The following PPP1R16A variants were observed in gnomAD, a reference collection of about 807,000 sequenced individuals.
The protein encoded by PPP1R16A is myosin phosphatase-targeting subunit 3.
Under a neutral mutation model 46.6 loss-of-function variants are expected in PPP1R16A, and 39 were observed. That is an observed-to-expected ratio of 0.84 (90% CI 0.65 to 1.09). The LOEUF (loss-of-function observed/expected upper bound fraction) is 1.09. Among genes scored for constraint, PPP1R16A ranks in the 50% least tolerant of loss-of-function variants. The probability of loss-of-function intolerance (pLI) is 0.00; values close to 1 mark genes in which losing one functional copy is unlikely to be tolerated. For synonymous variants in PPP1R16A, 413 were observed against 321.5 expected (o/e 1.28, Z -3.04); for missense variants, 798 against 735.6 (o/e 1.08, Z -0.98).
At chr8:144,486,802 C>G (rs1287705952) in intron 1 of PPP1R16A, among the ~76,000 whole-genome samples, 2 of 152,052 alleles carry the variant, frequency 1.3e-5, no homozygotes, top group African/African-American at 4.8e-5. Flanking sequence ...CAGTAGCTGT[C>G]TTTTCATCCT....
chr8:144,501,015 C>A, intron 10 of PPP1R16A, 44 bp downstream of exon 10: 1 of 1,462,308 alleles, frequency 6.8e-7, no homozygotes, highest in Non-Finnish European at 9.0e-7. Context: ...CTTGGCCCCG[C>A]GGACGTCAGC....
intron 1 of PPP1R16A, among the ~76,000 whole-genome samples, chr8:144,484,642 A>G (rs770233138): frequency 1.2e-4 from 19 of 152,208 alleles, no homozygotes; most frequent in Non-Finnish European, 2.5e-4. Flanking sequence ...GGGGAAAGGA[A>G]ATTGAAGAGG....
chr8:144,497,161 C>T lies in PPP1R16A; in HGVS notation c.-34C>T. On this transcript the variant is annotated 5_prime_UTR_variant, in exon 3 of 12. Coordinates refer to ENST00000435887, the MANE Select transcript of PPP1R16A (RefSeq NM_001329443.2). ...GGCCCCCAAGCTCCCCACTCTGGTG[C>T]CCCGAGCAGCCCTGTGGGCAAGCAG... 3 of 1,542,254 alleles carry T rather than the reference C, an allele frequency of 1.9e-6. No individual in the cohort carries two copies. The highest frequency in any genetic ancestry group is 2.0e-5 in the Admixed American group (1 of 51,058).
In PPP1R16A at chr8:144,501,224, C is replaced by T; in HGVS notation, c.1133C>T (p.Thr378Ile). ...EAIVWQQPPP[T>I]SPEPPEDNDD... is the part of the protein sequence containing the mutation. ...ATCGTGTGGCAACAGCCGCCGCCCA[C>T]CAGCCCGGAGCCGCCCGAGGACAAC... The change falls in exon 11 of 12, where the codon ACC becomes ATC. Residue 378 changes from threonine (T) to isoleucine (I), a missense_variant. Transcript: ENST00000435887. The T allele has an allele frequency of 1.2e-6, 2 of 1,607,642 alleles. No individual in the cohort carries two copies. The highest frequency in any genetic ancestry group is 1.7e-6 in the Non-Finnish European group (2 of 1,179,378).
chr8:144,501,138 G>A lies in PPP1R16A; in HGVS notation c.1047G>A (p.Val349=). 2 of 1,610,914 alleles carry A rather than the reference G, an allele frequency of 1.2e-6. No individual in the cohort carries two copies. Among genetic ancestry groups the A allele is most frequent in the East Asian group, 2.2e-5 (1 of 44,856 alleles). ...CCTCTCTCCTCCCCAGGAAGGTGGT[G>A]AGGCGGGTGAGCCTAACCCAGCGCA... ...TSSAGSRGKV[V]RRVSLTQRTD... The change falls in exon 11 of 12, where the codon GTG becomes GTA. Residue 349 remains valine (V), a synonymous_variant. Coordinates refer to ENST00000435887, the MANE Select transcript of PPP1R16A (RefSeq NM_001329443.2).
chr8:144,500,367 C>A lies in PPP1R16A; in HGVS notation c.681C>A (p.Ala227=), dbSNP rs1031345356. 2.0e-5 allele frequency: 30 copies of A among 1,531,942 alleles called. No individual in the cohort carries two copies. The highest frequency in any genetic ancestry group is 1.9e-4 in the Middle Eastern group (1 of 5,348). 94.9% of individuals were successfully genotyped at this position (1,531,942 alleles called of 1,614,324 possible). ...SRLQAGADLH[A]PLDHGATLLH... ...TGCAGGCCGGGGCAGACCTCCATGC[C>A]CCCCTGGACCACGGGGCCACGCTGG... is the stretch of plus-strand genomic sequence containing the variant. Residue 227 remains alanine, a synonymous_variant, in exon 7 of 12, where the codon GCC becomes GCA. Coordinates refer to ENST00000435887, the MANE Select transcript of PPP1R16A (RefSeq NM_001329443.2).
At position 144,501,534 on chromosome 8, in the gene PPP1R16A, A is replaced by G. The variant is rs1342362918; in HGVS notation, c.1218A>G (p.Glu406=). The G allele has an allele frequency of 3.8e-6, 6 of 1,569,260 alleles. No homozygotes were observed. The Admixed American group carries it at 7.3e-5, about 19-fold the overall frequency. The part of the protein sequence containing the change: ...RPPPPEEDNP[E]VVRPHNGRVG... ...ACTGCCCGCAGGAGGACAACCCCGA[A>G]GTGGTCAGGCCGCACAATGGCCGAG... The change falls in exon 12 of 12, where the codon GAA becomes GAG. Residue 406 remains glutamate (E), a synonymous_variant. Coordinates refer to ENST00000435887, the MANE Select transcript of PPP1R16A (RefSeq NM_001329443.2).
chr8:144,501,254 AC>A lies in PPP1R16A; in HGVS notation c.1165del (p.Arg389AlafsTer27). The part of the protein sequence containing the change: ...TSPEPPEDND[D>X]RQTGAELRPP... ...CCGGAGCCGCCCGAGGACAACGATG[AC>A]CGCCAGACAGGCGCAGAGCTCAGGC... On this transcript the variant is annotated frameshift_variant, in exon 11 of 12. Coordinates refer to ENST00000435887, the MANE Select transcript of PPP1R16A (RefSeq NM_001329443.2). LOFTEE classifies it low-confidence loss of function (END_TRUNC). The A allele has an allele frequency of 6.2e-7, 1 of 1,602,940 alleles. No individual in the cohort carries two copies. The highest frequency in any genetic ancestry group is 8.5e-7 in the Non-Finnish European group (1 of 1,178,370).
At chr8:144,496,194 C>T (rs1206328717) in intron 2 of PPP1R16A, 1 of 152,262 alleles carries the variant, frequency 6.6e-6, no homozygotes, top group Non-Finnish European at 1.5e-5. Flanking sequence ...GTGGGCGGCC[C>T]TTTCTGGAAA....
Position 144,497,414 on chromosome 8 carries a change from G to A in PPP1R16A, c.220G>A (p.Val74Ile). The change falls in exon 3 of 12, where the codon GTC becomes ATC. Residue 74 changes from valine to isoleucine, a missense_variant. By Grantham distance (29) the Val-to-Ile change is conservative. Coordinates refer to ENST00000435887, the MANE Select transcript of PPP1R16A (RefSeq NM_001329443.2). ...LKQVLFPPSV[V>I]LLEAAARNDL... ...GCAGGTCCTCTTCCCTCCCAGTGTT[G>A]TCCTTCTGGAGGCCGCTGCCCGAAA... The A allele has an allele frequency of 1.9e-6, 3 of 1,613,044 alleles. No homozygotes were observed. The highest frequency in any genetic ancestry group is 2.5e-6 in the Non-Finnish European group (3 of 1,180,018).
chr8:144,501,303 C>G lies in PPP1R16A; in HGVS notation c.1203+9C>G, dbSNP rs1179563034. On this transcript the variant is annotated intron_variant, in intron 11 of 11. Transcript: ENST00000435887. ...GGCCGCCGCCCCCGGAGGTGAGCGC[C>G]CCGTCCCTGCTCCGCCCAGCGCAGG... 1.3e-6 allele frequency: 2 copies of G among 1,569,386 alleles called. No individual in the cohort carries two copies. Among genetic ancestry groups the G allele is most frequent in the African/African-American group, 1.3e-5 (1 of 74,158 alleles).
At chr8:144,480,033 A>G (rs1241810405) in intron 1 of PPP1R16A, among the ~76,000 whole-genome samples, 1 of 152,238 alleles carries the variant, frequency 6.6e-6, no homozygotes, top group Non-Finnish European at 1.5e-5. Context: ...AGTAACTGGC[A>G]TGTCAAGAAT....
chr8:144,483,174 C>T (rs535144102), intron 1 of PPP1R16A, among the ~76,000 whole-genome samples: 17 of 152,130 alleles, frequency 1.1e-4, no homozygotes, highest in Non-Finnish European at 2.5e-4. Context: ...TGTTCTGTAA[C>T]GATGTTCACA....
chr8:144,496,904 C>G lies in PPP1R16A; in HGVS notation c.-291C>G, dbSNP rs921747505. 9.4e-5 allele frequency: 51 copies of G among 541,622 alleles called. No homozygotes were observed. Among genetic ancestry groups the G allele is most frequent in the African/African-American group, 8.7e-4 (46 of 52,710 alleles). The allele number at this position is 541,622 out of a possible 1,614,324, so 33.6% of individuals were successfully genotyped here. ...GCCTCCCATAGGTTGTGCACCCTGA[C>G]CCCGAGAGGGAGGCGAGGCGCTGCT... On this transcript the variant is annotated 5_prime_UTR_variant, in exon 3 of 12. Transcript: ENST00000435887.
At chr8:144,478,241 A>C (rs1400455502) in intron 1 of PPP1R16A, 114 bp downstream of exon 1, 5 of 384,600 alleles carry the variant, frequency 1.3e-5, no homozygotes, top group African/African-American at 1.0e-4. Context: ...ACACCGAGAG[A>C]GGAGGCCGGG....
At chr8:144,492,398 C>T (rs992672423) in intron 2 of PPP1R16A, among the ~76,000 whole-genome samples, 2 of 145,468 alleles carry the variant, frequency 1.4e-5, no homozygotes, top group South Asian at 2.2e-4. Context: ...TGCAGTGGTG[C>T]GATCTCAGCT....
intron 5 of PPP1R16A, 84 bp downstream of exon 5, chr8:144,499,145 G>T: frequency 1.4e-6 from 2 of 1,458,424 alleles, no homozygotes; most frequent in Non-Finnish European, 1.8e-6. Context: ...AGTATCTGTG[G>T]CTCTCGGCCT....
In PPP1R16A at chr8:144,497,255, GAGCGGCTGAAGCATGCCCAGA is replaced by G. The variant is rs766018658; in HGVS notation, c.68_88del (p.Leu23_Arg29del). 3.7e-6 allele frequency: 6 copies of G among 1,608,286 alleles called. No individual in the cohort carries two copies. The South Asian group carries it at 4.4e-5, about 12-fold the overall frequency. On this transcript the variant is annotated inframe_deletion, in exon 3 of 12. Coordinates refer to ENST00000435887, the MANE Select transcript of PPP1R16A (RefSeq NM_001329443.2). Reference sequence around the variant, plus strand: ...CATGGTGGGCAGGATGAGCACACAGGAGCGGCTGAAGCATGCCCAGAAGCGGCGCGCCCAGCAGGTGAAGAT... The same window carrying G: ...CATGGTGGGCAGGATGAGCACACAGGAGCGGCGCGCCCAGCAGGTGAAGAT...
At chr8:144,499,738 C>T (rs1586760081) in intron 5 of PPP1R16A, 1 of 271,744 alleles carries the variant, frequency 3.7e-6, no homozygotes, top group East Asian at 8.7e-5. Context: ...CCATGCTCCC[C>T]ACAGCTCAGC....
Sources: allele counts gnomAD v4.1 joint callset (sites outside exome capture counted in the v4.1 genomes callset), GRCh38; gene constraint gnomAD v4.1.1; transcripts MANE v1.5; gene names NCBI Gene and HGNC (gene_info 2026-07-23, HGNC 2026-07-21).